The following TTLL5 variants were observed in gnomAD, a reference collection of about 807,000 sequenced individuals.
TTLL5 encodes tubulin tyrosine ligase like 5.
In TTLL5, 132 loss-of-function variants were observed where a neutral mutation model predicts 168.4. The ratio of observed to expected loss-of-function variants is 0.78; its 90% CI spans 0.68 to 0.91. The LOEUF (loss-of-function observed/expected upper bound fraction) is 0.91. TTLL5 is among the 40% of genes least tolerant of loss of function. TTLL5 has a pLI of 0.00. For synonymous variants in TTLL5, 546 were observed against 558.6 expected, an observed-to-expected ratio of 0.98 and a Z score of 0.32; for missense variants, 1,545 against 1,581.5, an observed-to-expected ratio of 0.98 and a Z score of 0.39.
At chr14:75,707,572 G>C (rs763981043) in intron 8 of TTLL5, 51 bp from the exon 9 acceptor site, 1 of 1,531,636 alleles carries the variant, frequency 6.5e-7, no homozygotes, top group South Asian at 1.2e-5. Flanking sequence ...TCTGTAACAG[G>C]AAACAAATGA....
intron 17 of TTLL5, among the ~76,000 whole-genome samples, chr14:75,751,328 T>G (rs914839118): frequency 6.6e-6 from 1 of 152,224 alleles, no homozygotes. Flanking sequence ...CAAGAACTTT[T>G]ACCGTTTCAC....
At chr14:75,915,234 G>A (rs999886310) in intron 31 of TTLL5, among the ~76,000 whole-genome samples, 48 of 152,008 alleles carry the variant, frequency 3.2e-4, no homozygotes, top group African/African-American at 1.1e-3. Flanking sequence ...CTTAAGTTGT[G>A]TAATACCTGA....
At chr14:75,833,901 G>GT (rs1253426018) in intron 28 of TTLL5, among the ~76,000 whole-genome samples, 1 of 152,166 alleles carries the variant, frequency 6.6e-6, no homozygotes, top group African/African-American at 2.4e-5. Context: ...AGGGTTATTT[G>GT]TTTGAGTTTC....
chr14:75,832,100 C>T (rs1336748782), intron 28 of TTLL5, among the ~76,000 whole-genome samples: 1 of 152,132 alleles, frequency 6.6e-6, no homozygotes, highest in Non-Finnish European at 1.5e-5. Flanking sequence ...AGATGACACA[C>T]ACCCCCACCC....
At chr14:75,915,856 G>A (rs2033597196) in intron 31 of TTLL5, among the ~76,000 whole-genome samples, 1 of 152,176 alleles carries the variant, frequency 6.6e-6, no homozygotes, top group Non-Finnish European at 1.5e-5. Flanking sequence ...AGTCGGACAT[G>A]GTGGCTCCTG....
At chr14:75,735,745 A>G (rs1223103145) in intron 15 of TTLL5, among the ~76,000 whole-genome samples, 1 of 152,202 alleles carries the variant, frequency 6.6e-6, no homozygotes, top group Non-Finnish European at 1.5e-5. Context: ...TTATTGATTG[A>G]GGCTAAATGA....
At chr14:75,805,993 C>T (rs1893630569) in intron 27 of TTLL5, among the ~76,000 whole-genome samples, 1 of 151,888 alleles carries the variant, frequency 6.6e-6, no homozygotes, top group Non-Finnish European at 1.5e-5. Flanking sequence ...CCAGTCTCTT[C>T]CTGTTCACCC....
At chr14:75,759,481 C>T (rs770675570) in intron 18 of TTLL5, among the ~76,000 whole-genome samples, 2 of 152,112 alleles carry the variant, frequency 1.3e-5, no homozygotes, top group Non-Finnish European at 2.9e-5. Flanking sequence ...CAATCTTATA[C>T]AGATTCTTTT....
chr14:75,820,304 T>C, intron 28 of TTLL5, 143 bp downstream of exon 28: 2 of 814,668 alleles, frequency 2.5e-6, no homozygotes, highest in African/African-American at 1.8e-5. Flanking sequence ...CTCTGGCACC[T>C]GACTAAGAGA....
intron 30 of TTLL5, among the ~76,000 whole-genome samples, chr14:75,894,090 C>T (rs2359987): frequency 0.88 from 134,394 of 152,272 alleles, 59,412 homozygotes; most frequent in South Asian, 0.92. Context: ...GAGTATTTAA[C>T]TGATAAGGGT....
intron 15 of TTLL5, among the ~76,000 whole-genome samples, chr14:75,742,448 T>G (rs1219117544): frequency 6.6e-6 from 1 of 152,110 alleles, no homozygotes; most frequent in Non-Finnish European, 1.5e-5. Context: ...CAGGCTGGAG[T>G]GCAATGGGGC....
At chr14:75,699,677 T>G (rs979190848) in intron 7 of TTLL5, among the ~76,000 whole-genome samples, 2 of 152,200 alleles carry the variant, frequency 1.3e-5, no homozygotes. Context: ...CTTAATTTGG[T>G]ATGGTATCCT....
chr14:75,886,609 A>C, intron 30 of TTLL5: 14 of 1,404,688 alleles, frequency 1.0e-5, no homozygotes, highest in African/African-American at 1.4e-5. Flanking sequence ...TGTGAAGGGA[A>C]TGATTTAAAA....
At chr14:75,892,971 C>T (rs987894374) in intron 30 of TTLL5, among the ~76,000 whole-genome samples, 6 of 152,124 alleles carry the variant, frequency 3.9e-5, no homozygotes, top group East Asian at 1.9e-4. Context: ...GAGACCAGGG[C>T]GGGGAATGAT....
chr14:75,925,656 C>G (rs778960253), intron 31 of TTLL5, among the ~76,000 whole-genome samples: 29 of 152,004 alleles, frequency 1.9e-4, no homozygotes, highest in Non-Finnish European at 4.0e-4. Context: ...GCTGGGGGCC[C>G]GGCAGAGGCT....
At chr14:75,825,786 C>T (rs1449181391) in intron 28 of TTLL5, among the ~76,000 whole-genome samples, 2 of 152,144 alleles carry the variant, frequency 1.3e-5, no homozygotes, top group Admixed American at 6.5e-5. Context: ...AGTCTTAACT[C>T]TCACTATTCC....
intron 7 of TTLL5, among the ~76,000 whole-genome samples, chr14:75,700,439 C>T (rs1440820217): frequency 6.6e-6 from 1 of 152,172 alleles, no homozygotes; most frequent in Non-Finnish European, 1.5e-5. Context: ...GAACACTCGA[C>T]TGGTAAGGCA....
chr14:75,661,668 C>CT (rs1890736501), intron 1 of TTLL5: 1 of 152,302 alleles, frequency 6.6e-6, no homozygotes, highest in Non-Finnish European at 1.5e-5. Context: ...TCCGATAGAC[C>CT]TGTTTCTCCC....
At chr14:75,889,324 G>C (rs906614374) in intron 30 of TTLL5, among the ~76,000 whole-genome samples, 17 of 152,264 alleles carry the variant, frequency 1.1e-4, no homozygotes, top group African/African-American at 4.1e-4. Flanking sequence ...AAAGAGAATA[G>C]AAATAATAGT....
Sources: allele counts gnomAD v4.1 joint callset (sites outside exome capture counted in the v4.1 genomes callset), GRCh38; gene constraint gnomAD v4.1.1; transcripts MANE v1.5; gene names NCBI Gene and HGNC (gene_info 2026-07-23, HGNC 2026-07-21).